Variants in ANKIB1 observed in about 807,000 individuals in gnomAD.
The protein encoded by ANKIB1 is ankyrin repeat and IBR domain containing 1, also known as ankyrin repeat and IBR domain-containing protein 1.
ANKIB1 carries 43 observed loss-of-function variants against 122.1 expected under a neutral mutation model. That is an observed-to-expected ratio of 0.35 (90% CI 0.28 to 0.45). The LOEUF is 0.45. Among genes scored for constraint, ANKIB1 ranks in the 20% least tolerant of loss-of-function variants. The probability of loss-of-function intolerance (pLI) is 1.00; values close to 1 mark genes in which losing one functional copy is unlikely to be tolerated. For missense variants in ANKIB1, 992 were observed against 1,329.5 expected, an observed-to-expected ratio of 0.75 and a Z score of 3.95; for synonymous variants, 390 against 442.0, an observed-to-expected ratio of 0.88 and a Z score of 1.48.
At chr7:92,318,736 T>C (rs1035442022) in intron 3 of ANKIB1, among the ~76,000 whole-genome samples, 6 of 152,196 alleles carry the variant, frequency 3.9e-5, no homozygotes, top group South Asian at 4.1e-4. Flanking sequence ...GGGATTTCTT[T>C]GGGTCAAAGA....
intron 3 of ANKIB1, among the ~76,000 whole-genome samples, chr7:92,312,404 A>T (rs1040284700): frequency 6.6e-6 from 1 of 152,182 alleles, no homozygotes; most frequent in Non-Finnish European, 1.5e-5. Context: ...TAATATTCCA[A>T]AAATTATTTA....
Position 92,339,733 on chromosome 7 carries a change from T to G in ANKIB1, c.788-3291T>G, listed in dbSNP as rs147224309. ...TTTCTCTCTACATATAGCTGTATCT[T>G]ATTTTCAATTTCAATGTGTATACGC... On this transcript the variant is annotated intron_variant, in intron 5 of 19. Coordinates refer to ENST00000265742, the MANE Select transcript of ANKIB1 (RefSeq NM_019004.2). 1.5e-4 allele frequency among the ~76,000 whole-genome samples: 23 copies of G among 152,346 alleles called. No individual in the cohort carries two copies. In the East Asian group the frequency reaches 4.4e-3, roughly 29 times the overall value.
At chr7:92,334,473 T>C (rs1464144588) in intron 5 of ANKIB1, among the ~76,000 whole-genome samples, 2 of 152,024 alleles carry the variant, frequency 1.3e-5, no homozygotes, top group African/African-American at 4.8e-5. Context: ...TCTAGAAAAT[T>C]ATCTTACAAA....
rs765815046 is a variant in ANKIB1 at position 92,343,097 on chromosome 7, A to G, written c.861A>G (p.Gln287=). The change falls in exon 6 of 20, where the codon CAA becomes CAG. Residue 287 remains glutamine, a synonymous_variant. Transcript: ENST00000265742. ...ACTGCTGCCAACGATCAGGTGTTCAAATGCCAACTCCACCACCAAGTGGGT... is the reference window on the plus strand; with the variant it reads ...ACTGCTGCCAACGATCAGGTGTTCAGATGCCAACTCCACCACCAAGTGGGT... ...PENCCQRSGV[Q]MPTPPPSGYN... 3.7e-6 allele frequency: 6 copies of G among 1,613,876 alleles called. No individual in the cohort carries two copies. In the African/African-American group the frequency reaches 5.3e-5, roughly 14 times the overall value.
intron 11 of ANKIB1, among the ~76,000 whole-genome samples, chr7:92,379,556 GC>G (rs1424252121): frequency 6.6e-5 from 10 of 152,058 alleles, no homozygotes; most frequent in Admixed American, 1.3e-4. Context: ...TAAAAAGAAA[GC>G]CTACAATATA....
At chr7:92,262,215 T>A (rs749525464) in intron 1 of ANKIB1, among the ~76,000 whole-genome samples, 3 of 152,218 alleles carry the variant, frequency 2.0e-5, no homozygotes, top group Non-Finnish European at 4.4e-5. Context: ...GCTATGGCAA[T>A]AGAATGTGCT....
At chr7:92,392,333 A>G in intron 17 of ANKIB1, 41 bp downstream of exon 17, 1 of 1,555,690 alleles carries the variant, frequency 6.4e-7, no homozygotes, top group Non-Finnish European at 8.8e-7. Flanking sequence ...ATTTTTTCTT[A>G]GTGCAGTCGT....
At chr7:92,278,619 G>A (rs998001475) in intron 1 of ANKIB1, among the ~76,000 whole-genome samples, 2 of 152,184 alleles carry the variant, frequency 1.3e-5, no homozygotes, top group African/African-American at 4.8e-5. Flanking sequence ...GTGCAAGAGG[G>A]ACAAAAGCAT....
chr7:92,398,166 T>C, intron 19 of ANKIB1, 46 bp from the exon 20 acceptor site: 1 of 1,523,776 alleles, frequency 6.6e-7, no homozygotes. Flanking sequence ...TTAAATCAGT[T>C]TTTTTCAGTC....
intron 1 of ANKIB1, among the ~76,000 whole-genome samples, chr7:92,280,583 C>T (rs1801995914): frequency 6.6e-6 from 1 of 151,878 alleles, no homozygotes; most frequent in Non-Finnish European, 1.5e-5. Context: ...TCAGTGCTCA[C>T]TTTTAGTAAT....
At chr7:92,378,307 C>T (rs1291021198) in intron 11 of ANKIB1, among the ~76,000 whole-genome samples, 2 of 151,850 alleles carry the variant, frequency 1.3e-5, no homozygotes, top group African/African-American at 4.8e-5. Context: ...CATGTCAGTG[C>T]TGAAAAAGTT....
At chr7:92,363,365 T>C (rs1803996453) in intron 10 of ANKIB1, among the ~76,000 whole-genome samples, 1 of 151,878 alleles carries the variant, frequency 6.6e-6, no homozygotes, top group South Asian at 2.1e-4. Context: ...GAGGCAAGAT[T>C]GCGCCACTGC....
chr7:92,284,437 T>C (rs1486319875), intron 1 of ANKIB1, among the ~76,000 whole-genome samples: 1 of 152,252 alleles, frequency 6.6e-6, no homozygotes, highest in East Asian at 1.9e-4. Context: ...CTGAGTGAAC[T>C]ACACCAGTTT....
rs1800957916 is a variant in ANKIB1, at chr7:92,246,111, G to A, written c.-499G>A. On this transcript the variant is annotated 5_prime_UTR_variant, in exon 1 of 20. Transcript: ENST00000265742. ...CGGCTGAGCCGGAGCCGGAGCCGGA[G>A]GCGGGGGAGGGGAAGAGGGCGGCCG... 3.5e-6 allele frequency: 1 copy of A among 285,524 alleles called. No homozygotes were observed. 17.7% of individuals were successfully genotyped at this position (285,524 alleles called of 1,614,324 possible).
chr7:92,248,995 C>T (rs1346611385), intron 1 of ANKIB1, among the ~76,000 whole-genome samples: 2 of 146,708 alleles, frequency 1.4e-5, no homozygotes, highest in Non-Finnish European at 3.0e-5. Flanking sequence ...TCAAACGATT[C>T]TCCTGCGTCA....
chr7:92,367,627 A>G (rs1044542464), intron 10 of ANKIB1, among the ~76,000 whole-genome samples: 1 of 152,224 alleles, frequency 6.6e-6, no homozygotes, highest in African/African-American at 2.4e-5. Context: ...AGAAAATCTA[A>G]TTAATGAGAA....
At chr7:92,299,860 G>C (rs567885381) in intron 2 of ANKIB1, among the ~76,000 whole-genome samples, 11 of 151,878 alleles carry the variant, frequency 7.2e-5, no homozygotes, top group Non-Finnish European at 1.3e-4. Context: ...AGGCCGGAGT[G>C]CAGTGGCACA....
At chr7:92,295,530 A>G (rs932317026) in intron 2 of ANKIB1, among the ~76,000 whole-genome samples, 3 of 152,196 alleles carry the variant, frequency 2.0e-5, no homozygotes, top group Non-Finnish European at 4.4e-5. Flanking sequence ...AATTTACAAC[A>G]TTTCAATTCT....
At chr7:92,395,682 G>A (rs929876351) in intron 17 of ANKIB1, among the ~76,000 whole-genome samples, 1 of 151,644 alleles carries the variant, frequency 6.6e-6, no homozygotes, top group Non-Finnish European at 1.5e-5. Flanking sequence ...GGGATTACAG[G>A]TGCCACCACC....
Sources: allele counts gnomAD v4.1 joint callset (sites outside exome capture counted in the v4.1 genomes callset), GRCh38; gene constraint gnomAD v4.1.1; transcripts MANE v1.5; gene names NCBI Gene and HGNC (gene_info 2026-07-23, HGNC 2026-07-21).